The following RORA variants were observed in gnomAD, a reference collection of about 807,000 sequenced individuals.
RORA encodes the protein RAR related orphan receptor A.
RORA carries 7 observed loss-of-function variants against 69.5 expected under a neutral mutation model. That is an observed-to-expected ratio of 0.10 (90% confidence interval 0.06 to 0.19). The LOEUF (loss-of-function observed/expected upper bound fraction) is 0.19, where lower values mean the gene tolerates loss of function less well. RORA is among the 10% of genes least tolerant of loss of function. The pLI, the probability that RORA is intolerant of heterozygous loss-of-function variation, is 1.00. For missense variants in RORA, 457 were observed against 663.0 expected, an observed-to-expected ratio of 0.69 and a Z score of 3.41; for synonymous variants, 261 against 240.8, an observed-to-expected ratio of 1.08 and a Z score of -0.78.
intron 1 of RORA, among the ~76,000 whole-genome samples, chr15:61,111,911 G>C (rs562702399): frequency 1.3e-5 from 2 of 152,208 alleles, no homozygotes; most frequent in Admixed American, 1.3e-4. Context: ...TATTTATTGT[G>C]CTTTCATTTA....
intron 1 of RORA, among the ~76,000 whole-genome samples, chr15:61,063,965 A>C (rs977142633): frequency 1.3e-5 from 2 of 152,170 alleles, no homozygotes; most frequent in African/African-American, 4.8e-5. Flanking sequence ...ACGTCAGATC[A>C]CCTTGCCGGG....
In RORA at chr15:61,061,978, C is replaced by T. The variant is rs2078193153; in HGVS notation, c.166+167075G>A. Among the ~76,000 whole-genome samples, 1 of 152,078 alleles carries T rather than the reference C, an allele frequency of 6.6e-6. No homozygotes were observed. The highest frequency in any genetic ancestry group is 6.5e-5 in the Admixed American group (1 of 15,270). On this transcript the variant is annotated intron_variant, in intron 1 of 10. Transcript: ENST00000335670. This position sits in a 1 kb window ranked among gnomAD's most constrained non-coding sequence, Gnocchi z 4.4. ...CTTGGGAGGCTGAGGCAGGAGAATC[C>T]CTTGAACCTAGGAGACGGAGGTTGC... is the stretch of plus-strand genomic sequence containing the variant.
At chr15:61,059,988 G>GGAAGAAGAAGAAGAAGAA (rs71122901) in intron 1 of RORA, among the ~76,000 whole-genome samples, 1,217 of 85,856 alleles carry the variant, frequency 0.014, 40 homozygotes, top group Non-Finnish European at 0.018. Flanking sequence ...AAGAGGAAGA[G>GGAAGAAGAAGAAGAAGAA]GAAGAAGAAG....
At chr15:60,571,170 G>A (rs1220078654) in intron 2 of RORA, among the ~76,000 whole-genome samples, 2 of 151,588 alleles carry the variant, frequency 1.3e-5, no homozygotes, top group Admixed American at 6.6e-5. Context: ...CCCGGGGAGT[G>A]TAGTAATTTC....
chr15:60,913,072 G>A (rs74475057), intron 1 of RORA, among the ~76,000 whole-genome samples: 4,486 of 152,238 alleles, frequency 0.029, 84 homozygotes, highest in Non-Finnish European at 0.044. Flanking sequence ...AGCACTATAG[G>A]GTTTATTCTT....
At chr15:61,126,438 T>C (rs2079143150) in intron 1 of RORA, among the ~76,000 whole-genome samples, 1 of 152,218 alleles carries the variant, frequency 6.6e-6, no homozygotes. Context: ...AGTCACTTCA[T>C]TGTATGACAT....
chr15:60,941,635 T>A (rs758695575), intron 1 of RORA, among the ~76,000 whole-genome samples: 1 of 152,242 alleles, frequency 6.6e-6, no homozygotes, highest in Non-Finnish European at 1.5e-5. Flanking sequence ...TACTTTATTT[T>A]TAGTTCCTTG....
At chr15:60,787,958 C>T (rs2072361993) in intron 1 of RORA, among the ~76,000 whole-genome samples, 1 of 152,206 alleles carries the variant, frequency 6.6e-6, no homozygotes, top group Non-Finnish European at 1.5e-5. Context: ...GGTGAAACAG[C>T]CCAGTTCCTA....
At chr15:60,947,172 C>T (rs1411837015) in intron 1 of RORA, among the ~76,000 whole-genome samples, 16 of 151,156 alleles carry the variant, frequency 1.1e-4, no homozygotes, top group African/African-American at 1.7e-4. Flanking sequence ...TCTGCCCAGC[C>T]GCCACCCCGT....
At chr15:60,969,382 TGGG>T (rs1029573168) in intron 1 of RORA, among the ~76,000 whole-genome samples, 29 of 152,344 alleles carry the variant, frequency 1.9e-4, no homozygotes, top group African/African-American at 7.0e-4. Flanking sequence ...GAGACCAGTG[TGGG>T]CCCTTCAATC....
intron 1 of RORA, among the ~76,000 whole-genome samples, chr15:61,103,998 G>A (rs538479426): frequency 3.3e-5 from 5 of 152,236 alleles, no homozygotes; most frequent in Middle Eastern, 3.4e-3. Context: ...CTATGGACAC[G>A]CTAAACTCAC....
At chr15:60,763,668 G>C (rs771599408) in intron 1 of RORA, among the ~76,000 whole-genome samples, 72 of 152,236 alleles carry the variant, frequency 4.7e-4, no homozygotes, top group African/African-American at 1.1e-3. Flanking sequence ...ATATGCCAGG[G>C]GGGTAGCTCC....
chr15:60,722,036 T>G (rs2071300509), intron 1 of RORA, among the ~76,000 whole-genome samples: 1 of 152,272 alleles, frequency 6.6e-6, no homozygotes, highest in African/African-American at 2.4e-5. Context: ...AGCCAGAGTC[T>G]AAATGATCAC....
At position 60,842,089 on chromosome 15, in the gene RORA, C is replaced by G. The variant is rs1159806776; in HGVS notation, c.167-163403G>C. 5.3e-5 allele frequency among the ~76,000 whole-genome samples: 8 copies of G among 152,052 alleles called. No individual in the cohort carries two copies. The South Asian group carries it at 1.5e-3, about 28-fold the overall frequency. On this transcript the variant is annotated intron_variant, in intron 1 of 10. Coordinates refer to ENST00000335670, the MANE Select transcript of RORA (RefSeq NM_134261.3). ...CTGTGGTTGCCAAGCTGACCCATCC[C>G]TTGCTCCTCAGCCATCTTCCTTTCT...
At chr15:61,014,562 T>G (rs1248154711) in intron 1 of RORA, among the ~76,000 whole-genome samples, 3 of 152,210 alleles carry the variant, frequency 2.0e-5, no homozygotes, top group Non-Finnish European at 4.4e-5. Context: ...GAATTTGTAT[T>G]CTGTGAACCT....
intron 9 of RORA, 108 bp downstream of exon 9, chr15:60,500,851 T>C (rs1001917285): frequency 1.6e-6 from 1 of 622,592 alleles, no homozygotes; most frequent in Non-Finnish European, 2.8e-6. Context: ...TGGAGACCTC[T>C]CTTAGTAGCT....
chr15:61,104,842 C>G (rs2078929392), intron 1 of RORA, among the ~76,000 whole-genome samples: 1 of 152,072 alleles, frequency 6.6e-6, no homozygotes, highest in Admixed American at 6.5e-5. Context: ...TGGGAGGGAC[C>G]CATTGGGAGG....
At position 61,133,853 on chromosome 15, in the gene RORA, T is replaced by A. The variant is rs1049386949; in HGVS notation, c.166+95200A>T. On this transcript the variant is annotated intron_variant, in intron 1 of 10. Transcript: ENST00000335670. ...GCCTACCCTTCTTCCTACTGCATCATCAGGCTCAATGAAAATAAATCTTTA... is the reference window on the plus strand; with the variant it reads ...GCCTACCCTTCTTCCTACTGCATCAACAGGCTCAATGAAAATAAATCTTTA... 1.4e-4 allele frequency among the ~76,000 whole-genome samples: 21 copies of A among 152,154 alleles called. 1 individual carries two copies. The highest frequency in any genetic ancestry group is 2.1e-4 in the South Asian group (1 of 4,828).
At chr15:60,946,710 C>T (rs1389233223) in intron 1 of RORA, among the ~76,000 whole-genome samples, 8 of 151,524 alleles carry the variant, frequency 5.3e-5, no homozygotes, top group South Asian at 2.1e-4. Flanking sequence ...AAGTGAGGAG[C>T]GTCTCTGCCT....
Sources: gnomAD v4.1 joint callset for allele counts (sites outside exome capture counted in the v4.1 genomes callset) on GRCh38, gnomAD v4.1.1 for gene constraint, Gnocchi (gnomAD v3.1) non-coding constraint, MANE v1.5 for transcripts, NCBI Gene and HGNC (gene_info 2026-07-23, HGNC 2026-07-21) for gene names.